CDK14: variants seen among roughly 807,000 people sequenced by gnomAD.
The protein encoded by CDK14 is cyclin dependent kinase 14.
A neutral mutation model predicts 60.7 loss-of-function variants in CDK14; 34 were observed. The observed-to-expected ratio is 0.56, with a 90% CI of 0.43 to 0.75. The LOEUF is 0.75. CDK14 is among the 30% of genes least tolerant of loss of function. CDK14 has a pLI of 0.00. For missense variants in CDK14, 482 were observed against 564.1 expected, an observed-to-expected ratio of 0.85 and a Z score of 1.47; for synonymous variants, 197 against 203.7, an observed-to-expected ratio of 0.97 and a Z score of 0.28.
At chr7:90,809,700 C>T (rs889899184) in intron 5 of CDK14, among the ~76,000 whole-genome samples, 1 of 151,888 alleles carries the variant, frequency 6.6e-6, no homozygotes, top group Non-Finnish European at 1.5e-5. Context: ...TTGAAAAGAT[C>T]AACAAAATTG....
chr7:90,655,944 A>G (rs1800743260), intron 2 of CDK14, among the ~76,000 whole-genome samples: 1 of 152,202 alleles, frequency 6.6e-6, no homozygotes, highest in African/African-American at 2.4e-5. Context: ...TAACTTCAGG[A>G]AAATCACTTG....
intron 2 of CDK14, among the ~76,000 whole-genome samples, chr7:90,682,440 A>G (rs1801336250): frequency 1.3e-5 from 2 of 152,196 alleles, no homozygotes; most frequent in South Asian, 4.1e-4. Flanking sequence ...GTGTGTATAT[A>G]GATAGGTAGA....
chr7:90,845,554 A>G (rs757707486), intron 5 of CDK14, among the ~76,000 whole-genome samples: 13 of 151,806 alleles, frequency 8.6e-5, no homozygotes, highest in Non-Finnish European at 1.6e-4. Context: ...GAAAATATCC[A>G]AGTTTACATG....
intron 3 of CDK14, among the ~76,000 whole-genome samples, chr7:90,727,993 T>A (rs1450982667): frequency 6.6e-6 from 1 of 152,180 alleles, no homozygotes; most frequent in Non-Finnish European, 1.5e-5. Flanking sequence ...GTCATATGAC[T>A]ATGATTTTAT....
At chr7:91,033,141 TTTA>T (rs758692155) in intron 10 of CDK14, among the ~76,000 whole-genome samples, 2 of 152,138 alleles carry the variant, frequency 1.3e-5, no homozygotes, top group Non-Finnish European at 2.9e-5. Context: ...ATTGAGCATT[TTTA>T]TTATTATGTC....
chr7:91,084,899 C>T (rs897102293), intron 12 of CDK14, among the ~76,000 whole-genome samples: 1 of 152,184 alleles, frequency 6.6e-6, no homozygotes, highest in Non-Finnish European at 1.5e-5. Context: ...GGAATAAAAC[C>T]CAACCCTACT....
At chr7:90,664,035 C>T (rs981700490) in intron 2 of CDK14, among the ~76,000 whole-genome samples, 3 of 151,900 alleles carry the variant, frequency 2.0e-5, no homozygotes, top group Admixed American at 6.6e-5. Context: ...ATTTTTGCAA[C>T]CTACTCATCT....
At chr7:91,126,116 C>T (rs561279862) in intron 14 of CDK14, among the ~76,000 whole-genome samples, 66 of 152,276 alleles carry the variant, frequency 4.3e-4, no homozygotes, top group African/African-American at 1.6e-3. Context: ...AGTTGTGATA[C>T]ATTGCCAAAT....
chr7:90,792,266 A>T (rs1805865113), intron 5 of CDK14, among the ~76,000 whole-genome samples: 1 of 151,688 alleles, frequency 6.6e-6, no homozygotes, highest in Admixed American at 6.6e-5. Context: ...GAGTTTAAAG[A>T]GAAGCTATAA....
At chr7:90,792,940 T>C (rs972207966) in intron 5 of CDK14, among the ~76,000 whole-genome samples, 16 of 152,350 alleles carry the variant, frequency 1.1e-4, no homozygotes, top group Non-Finnish European at 2.4e-4. Context: ...TTTTTAGATT[T>C]AGGGGTCAAT....
chr7:90,971,804 A>G (rs11771153), intron 9 of CDK14, among the ~76,000 whole-genome samples: 23,489 of 152,126 alleles, frequency 0.15, 1,930 homozygotes, highest in Non-Finnish European at 0.18. Flanking sequence ...AACAAAAATT[A>G]TCATTGGAAC....
At chr7:90,644,735 C>T (rs543162357) in intron 2 of CDK14, among the ~76,000 whole-genome samples, 223 of 152,288 alleles carry the variant, frequency 1.5e-3, no homozygotes, top group African/African-American at 5.1e-3. Context: ...TCTTGGACAT[C>T]AGTTTGGGAA....
At chr7:91,165,472 C>T (rs1261400840) in intron 14 of CDK14, among the ~76,000 whole-genome samples, 1 of 150,172 alleles carries the variant, frequency 6.7e-6, no homozygotes, top group Non-Finnish European at 1.5e-5. Context: ...CTCTGGTTCC[C>T]TTTTGTGGAA....
intron 2 of CDK14, among the ~76,000 whole-genome samples, chr7:90,657,175 G>A (rs1369528448): frequency 6.6e-6 from 1 of 152,028 alleles, no homozygotes; most frequent in Non-Finnish European, 1.5e-5. Context: ...TTACATTTTG[G>A]AGGTGCAAAT....
intron 8 of CDK14, among the ~76,000 whole-genome samples, chr7:90,947,326 T>C (rs914405665): frequency 6.6e-6 from 1 of 152,194 alleles, no homozygotes; most frequent in African/African-American, 2.4e-5. Flanking sequence ...CCATCCAATG[T>C]GAGCCCCACA....
chr7:91,025,051 C>T (rs960484988), intron 10 of CDK14, among the ~76,000 whole-genome samples: 1 of 152,096 alleles, frequency 6.6e-6, no homozygotes. Context: ...GTTTGCTCAA[C>T]TGCTTTGAGA....
rs568188112 is a variant in CDK14, at chr7:91,196,979, C to T, written c.*29-10186C>T. On this transcript the variant is annotated intron_variant, in intron 14 of 14. Coordinates refer to ENST00000380050, the MANE Select transcript of CDK14 (RefSeq NM_001287135.2). Reference sequence around the variant, plus strand: ...TTAGTTCGTGTAATAAAGTGCCAAACCTTGTTACCTCTGTTTTTATAATAA... The same window carrying T: ...TTAGTTCGTGTAATAAAGTGCCAAATCTTGTTACCTCTGTTTTTATAATAA... Among the ~76,000 whole-genome samples the T allele has an allele frequency of 4.6e-5, 7 of 152,278 alleles. No homozygotes were observed. In the South Asian group the frequency reaches 1.2e-3, roughly 27 times the overall value.
intron 5 of CDK14, among the ~76,000 whole-genome samples, chr7:90,810,737 G>C (rs7805054): frequency 0.43 from 65,336 of 150,868 alleles, 14,971 homozygotes; most frequent in East Asian, 0.82. Context: ...AGCCCAAAAT[G>C]TCCTTAAGCT....
At chr7:90,999,237 C>T (rs947585768) in intron 10 of CDK14, among the ~76,000 whole-genome samples, 2 of 151,948 alleles carry the variant, frequency 1.3e-5, no homozygotes, top group African/African-American at 4.8e-5. Flanking sequence ...AAGCAAATGC[C>T]AGGCTATGAA....
Sources: allele counts gnomAD v4.1 joint callset (sites outside exome capture counted in the v4.1 genomes callset), GRCh38; gene constraint gnomAD v4.1.1; transcripts MANE v1.5; gene names NCBI Gene and HGNC (gene_info 2026-07-23, HGNC 2026-07-21).